Variants in PDK3 observed in about 807,000 individuals in gnomAD.
The protein encoded by PDK3 is pyruvate dehydrogenase kinase, isozyme 3.
A neutral mutation model predicts 32.0 loss-of-function variants in PDK3; 12 were observed. The ratio of observed to expected loss-of-function variants is 0.37; its 90% CI spans 0.24 to 0.61. PDK3 has a LOEUF of 0.61. Ranked by LOEUF, PDK3 falls within the 20% of genes least tolerant of loss-of-function variation. The pLI is 0.65. For synonymous variants in PDK3, 122 were observed against 116.3 expected (o/e 1.05, Z -0.31); for missense variants, 188 against 316.9 (o/e 0.59, Z 3.09).
rs74314230 is a variant in PDK3 at position 24,496,296 on chromosome X, TACAC to T, written c.248+1434_248+1437del. On this transcript the variant is annotated intron_variant, in intron 2 of 10. Transcript: ENST00000379162. ...CTCTCTCTCTGTCTCACTCTCTGCA[TACAC>T]ACACACACACACACACACACGTGCG... Among the ~76,000 whole-genome samples, 666 of 102,721 alleles carry T rather than the reference TACAC, an allele frequency of 6.5e-3. 3 individuals are homozygous for T. Among genetic ancestry groups the T allele is most frequent in the Non-Finnish European group, 9.7e-3 (490 of 50,473 alleles). 89.2% of individuals were successfully genotyped at this position (102,721 alleles called of 115,157 possible). A position where few individuals can be genotyped will look rare whatever the true frequency, so the allele number is the denominator to read the frequency against.
intron 1 of PDK3, among the ~76,000 whole-genome samples, chrX:24,467,902 A>G (rs1014534309): frequency 8.9e-6 from 1 of 111,820 alleles, no homozygotes; most frequent in African/African-American, 3.3e-5. Flanking sequence ...CCTGGTATAT[A>G]GCTAGCTCCA....
At chrX:24,524,542 T>C (rs189328962) in intron 6 of PDK3, among the ~76,000 whole-genome samples, 108 of 112,304 alleles carry the variant, frequency 9.6e-4, no homozygotes, top group Admixed American at 3.1e-3. Flanking sequence ...TGAATCATTG[T>C]TATTGCATTA....
At chrX:24,522,631 C>T (rs980865053) in intron 6 of PDK3, among the ~76,000 whole-genome samples, 4 of 111,082 alleles carry the variant, frequency 3.6e-5, no homozygotes, top group Non-Finnish European at 5.7e-5. Context: ...AGGAGCCAGG[C>T]GCAATGGCTC....
chrX:24,483,704 C>T (rs1471619993), intron 1 of PDK3, among the ~76,000 whole-genome samples: 1 of 111,559 alleles, frequency 9.0e-6, no homozygotes, highest in East Asian at 2.8e-4. Context: ...CAGTTGCGAT[C>T]CGAGGTTTTT....
chrX:24,495,398 A>T (rs909909957), intron 2 of PDK3, among the ~76,000 whole-genome samples: 5 of 112,755 alleles, frequency 4.4e-5, no homozygotes, highest in African/African-American at 1.6e-4. Context: ...TATGTCATTT[A>T]ACTGAAGAAG....
chrX:24,472,675 CTTTTTTTTTTTT>C (rs761538432), intron 1 of PDK3, among the ~76,000 whole-genome samples: 1 of 49,717 alleles, frequency 2.0e-5, no homozygotes, highest in Admixed American at 2.7e-4. Flanking sequence ...TTCTTTCTTT[CTTTTTTTTTTTT>C]TTTTTTTTTT....
intron 1 of PDK3, among the ~76,000 whole-genome samples, chrX:24,471,313 C>T (rs1251679604): frequency 8.9e-6 from 1 of 112,494 alleles, no homozygotes; most frequent in Admixed American, 9.4e-5. Flanking sequence ...TCTTTTTTCT[C>T]TTAGCTCTTC....
Position 24,526,110 on chromosome X carries a change from C to T in PDK3, c.674-88C>T. On this transcript the variant is annotated intron_variant, in intron 6 of 10. Transcript: ENST00000379162. ...TAGCCTTTTATAGAGCTCTGTTTTA[C>T]ACACTTGGAAAATAGAATGCAAACA... is the stretch of plus-strand genomic sequence containing the variant. The T allele has an allele frequency of 7.2e-6, 5 of 694,098 alleles. No individual in the cohort carries two copies. The South Asian group carries it at 1.2e-4, about 17-fold the overall frequency. The allele number at this position is 694,098 out of a possible 1,213,427, so 57.2% of individuals were successfully genotyped here. A position where few individuals can be genotyped will look rare whatever the true frequency, so the allele number is the denominator to read the frequency against.
intron 1 of PDK3, among the ~76,000 whole-genome samples, chrX:24,474,740 T>C: frequency 9.0e-6 from 1 of 111,446 alleles, no homozygotes; most frequent in South Asian, 3.8e-4. Context: ...AGTGTCCCCA[T>C]GTGTAAATAT....
At chrX:24,514,762 C>T (rs1004762751) in intron 5 of PDK3, among the ~76,000 whole-genome samples, 4 of 111,552 alleles carry the variant, frequency 3.6e-5, no homozygotes, top group Admixed American at 9.6e-5. Context: ...GCAGAATTAG[C>T]GTGACTCAGA....
chrX:24,484,087 C>T (rs1451283693), intron 1 of PDK3, among the ~76,000 whole-genome samples: 8 of 110,939 alleles, frequency 7.2e-5, no homozygotes. Flanking sequence ...TCTCGGCTCA[C>T]TGCAACCTCC....
intron 1 of PDK3, among the ~76,000 whole-genome samples, chrX:24,491,408 C>T (rs1921557569): frequency 9.0e-6 from 1 of 111,087 alleles, no homozygotes; most frequent in African/African-American, 3.3e-5. Flanking sequence ...AGGTTGAACT[C>T]CTAATGCAAC....
At chrX:24,474,730 A>G (rs1921067687) in intron 1 of PDK3, among the ~76,000 whole-genome samples, 1 of 111,299 alleles carries the variant, frequency 9.0e-6, no homozygotes, top group Non-Finnish European at 1.9e-5. Context: ...AAACTTCCAT[A>G]GTGTCCCCAT....
At chrX:24,548,839 C>T (rs899750276) in exon 12 of PDK3, 1 of 111,862 alleles carries the variant, frequency 8.9e-6, no homozygotes, top group African/African-American at 3.2e-5. Context: ...TCAGTGGTGT[C>T]CGCCATTGAG....
exon 12 of PDK3, among the ~76,000 whole-genome samples, chrX:24,543,331 T>A (rs1404242024): frequency 8.9e-6 from 1 of 112,339 alleles, no homozygotes; most frequent in African/African-American, 3.2e-5. Flanking sequence ...GTATGATTTT[T>A]TTCTCAAGTC....
At chrX:24,520,063 C>T (rs901030252) in intron 6 of PDK3, among the ~76,000 whole-genome samples, 1 of 111,710 alleles carries the variant, frequency 9.0e-6, no homozygotes, top group Non-Finnish European at 1.9e-5. Context: ...CGTGGTGGCA[C>T]TTGCTTGTAT....
exon 12 of PDK3, among the ~76,000 whole-genome samples, chrX:24,540,693 TATGTA>T (rs1408940577): frequency 9.1e-6 from 1 of 110,112 alleles, no homozygotes; most frequent in Non-Finnish European, 1.9e-5. Flanking sequence ...AGAGAACTCA[TATGTA>T]ATCAATCAGG....
At chrX:24,528,449 G>A (rs994097237) in intron 9 of PDK3, among the ~76,000 whole-genome samples, 1 of 112,086 alleles carries the variant, frequency 8.9e-6, no homozygotes, top group African/African-American at 3.2e-5. Context: ...GTACCTCATT[G>A]TGGTAAGACT....
chrX:24,539,355 AAGT>A (rs754333486), downstream of PDK3: 1 of 407,132 alleles, frequency 2.5e-6, no homozygotes, highest in African/African-American at 2.5e-5. Flanking sequence ...TCTTCCACTA[AAGT>A]AGTAACTTTT....
Sources: gnomAD v4.1 joint callset for allele counts (sites outside exome capture counted in the v4.1 genomes callset) on GRCh38, gnomAD v4.1.1 for gene constraint, MANE v1.5 for transcripts, NCBI Gene and HGNC (gene_info 2026-07-23, HGNC 2026-07-21) for gene names.